The following NHSL1 variants were observed in gnomAD, a reference collection of about 807,000 sequenced individuals.
NHSL1 encodes NHS-like protein 1.
NHSL1 carries 48 observed loss-of-function variants against 95.0 expected under a neutral mutation model. That is an observed-to-expected ratio of 0.51 (90% CI 0.40 to 0.64). NHSL1 has a LOEUF of 0.64. NHSL1 is among the 30% of genes least tolerant of loss of function. The pLI is 0.00. For synonymous variants in NHSL1, 783 were observed against 833.9 expected (o/e 0.94, Z 1.05); for missense variants, 1,971 against 2,077.7 (o/e 0.95, Z 1.00).
chr6:138,433,526 T>G lies in NHSL1; in HGVS notation c.819A>C (p.Pro273=). ...GTGCCCTGATTCTCCTCATGGAAGG[T>G]GGTACGACCTTCACATCCTCCGTCT... ...SCQTEDVKVV[P]PSMRRIRAQK... is the part of the protein sequence containing the mutation. The change falls in exon 6 of 8, where the codon CCA becomes CCC. Residue 273 remains proline (P), a synonymous_variant. Coordinates refer to ENST00000343505, the MANE Select transcript of NHSL1 (RefSeq NM_001144060.2). 1 of 1,551,932 alleles carries G rather than the reference T, an allele frequency of 6.4e-7. No individual in the cohort carries two copies.
At chr6:138,665,289 C>A (rs544959941) in intron 1 of NHSL1, among the ~76,000 whole-genome samples, 1 of 152,336 alleles carries the variant, frequency 6.6e-6, no homozygotes, top group South Asian at 2.1e-4. Flanking sequence ...TTCAACCACA[C>A]AGACTAAACT....
At chr6:138,681,045 CCAAAT>C (rs1261670004) in intron 1 of NHSL1, among the ~76,000 whole-genome samples, 5 of 151,906 alleles carry the variant, frequency 3.3e-5, no homozygotes, top group Non-Finnish European at 7.4e-5. Context: ...ATCTTTTTTC[CCAAAT>C]CAAAAGACTT....
chr6:138,432,236 T>C lies in NHSL1; in HGVS notation c.2109A>G (p.Thr703=). ...GGCTCAGCTGCAGCGAGTGCTGGAG[T>C]GTGGCGATCAGGCTCTCGTTGAGCA... ...GQVLNESLIA[T]LQHSLQLSLP... The change falls in exon 6 of 8, where the codon ACA becomes ACG. Residue 703 remains threonine (T), a synonymous_variant. Coordinates refer to ENST00000343505, the MANE Select transcript of NHSL1 (RefSeq NM_001144060.2). This position sits in a 1 kb window ranked among gnomAD's most constrained non-coding sequence, Gnocchi z 4.4. 1.3e-6 allele frequency: 2 copies of C among 1,548,504 alleles called. No homozygotes were observed. The highest frequency in any genetic ancestry group is 8.7e-7 in the Non-Finnish European group (1 of 1,145,306).
intron 1 of NHSL1, among the ~76,000 whole-genome samples, chr6:138,497,140 T>C (rs1006815815): frequency 1.3e-5 from 2 of 152,166 alleles, no homozygotes; most frequent in African/African-American, 4.8e-5. Flanking sequence ...ATCTCTACAA[T>C]AATTTTTCTT....
chr6:138,434,700 C>G (rs912168065), intron 5 of NHSL1, among the ~76,000 whole-genome samples: 4 of 152,190 alleles, frequency 2.6e-5, no homozygotes, highest in Non-Finnish European at 5.9e-5. Context: ...TATCTCAACA[C>G]GGGCTTTGCT....
At chr6:138,623,668 GTCTC>G (rs779908995) in intron 1 of NHSL1, among the ~76,000 whole-genome samples, 16 of 152,184 alleles carry the variant, frequency 1.1e-4, no homozygotes, top group Admixed American at 4.6e-4. Context: ...CATCTCCTCA[GTCTC>G]TCTCTTTGTT....
rs1326682339 is a variant in NHSL1, at chr6:138,441,996, T to C, written c.651A>G (p.Ile217Met). 1.9e-6 allele frequency: 3 copies of C among 1,550,994 alleles called. No individual in the cohort carries two copies. Among genetic ancestry groups the C allele is most frequent in the Non-Finnish European group, 2.6e-6 (3 of 1,146,724 alleles). Residue 217 changes from isoleucine to methionine, a missense_variant, in exon 5 of 8, where the codon ATA (isoleucine) becomes ATG (methionine). Around this residue, in one of 3 missense-constraint regions of NHSL1, gnomAD observed 1,602 missense variants for 1,654.5 expected, o/e 0.97. Transcript: ENST00000343505. ...RKTITGVPDN[I>M]QKELASGTGQ... ...GATGAGCCATACCTAGCTCCTTCTG[T>C]ATGTTGTCAGGGACTCCTGTAATAG...
At chr6:138,480,931 T>A (rs1302462520) in intron 2 of NHSL1, among the ~76,000 whole-genome samples, 1 of 152,206 alleles carries the variant, frequency 6.6e-6, no homozygotes, top group Non-Finnish European at 1.5e-5. Context: ...AGTTATTGTA[T>A]CAGTCTTACA....
intron 2 of NHSL1, among the ~76,000 whole-genome samples, chr6:138,493,729 A>G (rs1780202604): frequency 6.6e-6 from 1 of 152,232 alleles, no homozygotes; most frequent in Admixed American, 6.5e-5. Flanking sequence ...AAGGTGAACT[A>G]TAAGTAGAGA....
At chr6:138,467,054 C>T (rs2128240782) in intron 3 of NHSL1, among the ~76,000 whole-genome samples, 1 of 152,106 alleles carries the variant, frequency 6.6e-6, no homozygotes, top group Admixed American at 6.5e-5. Flanking sequence ...AAATATGACA[C>T]AATTATGCAT....
chr6:138,431,698 G>A lies in NHSL1; in HGVS notation c.2647C>T (p.Pro883Ser). The A allele has an allele frequency of 6.4e-7, 1 of 1,551,744 alleles. No individual in the cohort carries two copies. Among genetic ancestry groups the A allele is most frequent in the Non-Finnish European group, 8.7e-7 (1 of 1,146,992 alleles). Residue 883 changes from proline (P) to serine (S), a missense_variant, in exon 6 of 8, where the codon CCC becomes TCC. By Grantham distance (74) the Pro-to-Ser change is moderately conservative. Transcript: ENST00000343505. The surrounding 1 kb of genome is among the most constrained non-coding windows in gnomAD (Gnocchi z 4.0). ...GAGGACTTCCTTTCTGGTACCTTGG[G>A]CTTGGGCTTCCCCTTCCCGTTTGCT... ...SPANGKGKPK[P>S]KVPERKSSLI...
chr6:138,565,996 T>C (rs1783601010), intron 1 of NHSL1, among the ~76,000 whole-genome samples: 1 of 150,516 alleles, frequency 6.6e-6, no homozygotes, highest in Non-Finnish European at 1.5e-5. Context: ...GAACATGTTA[T>C]AGTTAAACCA....
At chr6:138,488,923 G>C (rs528709931) in intron 2 of NHSL1, among the ~76,000 whole-genome samples, 2 of 152,284 alleles carry the variant, frequency 1.3e-5, no homozygotes, top group South Asian at 4.1e-4. Flanking sequence ...AATGGAAAGG[G>C]GGACTGACCA....
At chr6:138,521,488 C>A (rs980588215) in intron 1 of NHSL1, among the ~76,000 whole-genome samples, 5 of 151,904 alleles carry the variant, frequency 3.3e-5, no homozygotes, top group Admixed American at 6.6e-5. Context: ...ACAGCTACCC[C>A]CTGCCTCACC....
At chr6:138,506,619 G>T (rs1357303001) in intron 1 of NHSL1, among the ~76,000 whole-genome samples, 1 of 152,000 alleles carries the variant, frequency 6.6e-6, no homozygotes, top group African/African-American at 2.4e-5. Context: ...AATGTAAGTG[G>T]GCATCTTGTA....
At chr6:138,499,802 T>C (rs1255023890), upstream of NHSL1, among the ~76,000 whole-genome samples, 1 of 152,180 alleles carries the variant, frequency 6.6e-6, no homozygotes, top group East Asian at 1.9e-4. Context: ...CAATTCCAGT[T>C]AATTCAGGGT....
rs73774836 is a variant in NHSL1, at chr6:138,568,021, T to C, written c.202+3689A>G. On this transcript the variant is annotated intron_variant, in intron 1 of 6. Coordinates refer to the NHSL1 transcript ENST00000427025. ...ATGATTCCACCTCTTTTAGTTTTAT[T>C]TGAGTGAGCAAGAAAGGGAAAGCAC... Among the ~76,000 whole-genome samples the C allele has an allele frequency of 7.5e-3, 1,149 of 152,262 alleles. 22 individuals carry two copies. The highest frequency in any genetic ancestry group is 0.026 in the African/African-American group (1,081 of 41,540).
intron 1 of NHSL1, among the ~76,000 whole-genome samples, chr6:138,684,419 G>A (rs11154992): frequency 0.46 from 70,074 of 151,862 alleles, 17,813 homozygotes; most frequent in African/African-American, 0.66. Context: ...AGGCCAAGGC[G>A]GGCGGATCAC....
rs369359930 is a variant in NHSL1 at position 138,496,320 on chromosome 6, G to A, written c.110C>T (p.Pro37Leu). ...GAACACATTCTCCTGCTGGTGCCACGGGGCAGTGTAGTGGACTGTCCATCG... is the reference window on the plus strand; with the variant it reads ...GAACACATTCTCCTGCTGGTGCCACAGGGCAGTGTAGTGGACTGTCCATCG... ...ESRWTVHYTA[P>L]WHQQENVFLP... is the part of the protein sequence containing the mutation. The change falls in exon 2 of 8, where the codon CCG becomes CTG. Residue 37 changes from proline (P) to leucine (L), a missense_variant. Coordinates refer to ENST00000343505, the MANE Select transcript of NHSL1 (RefSeq NM_001144060.2). 31 of 1,550,524 alleles carry A rather than the reference G, an allele frequency of 2.0e-5. No homozygotes were observed. The highest frequency in any genetic ancestry group is 2.7e-5 in the African/African-American group (2 of 72,960).
Sources: allele counts gnomAD v4.1 joint callset (sites outside exome capture counted in the v4.1 genomes callset), GRCh38; gene constraint gnomAD v4.1.1; regional missense constraint gnomAD v4.1.1; non-coding constraint Gnocchi (gnomAD v3.1); transcripts MANE v1.5; gene names NCBI Gene and HGNC (gene_info 2026-07-23, HGNC 2026-07-21).